Variants in MSANTD3 observed in about 807,000 individuals in gnomAD.
MSANTD3 encodes the protein Myb/SANT DNA binding domain containing 3.
Under a neutral mutation model 27.7 loss-of-function variants are expected in MSANTD3, and 11 were observed. That is an observed-to-expected ratio of 0.40 (90% CI 0.25 to 0.66). The LOEUF is 0.66. Ranked by LOEUF, MSANTD3 falls within the 30% of genes least tolerant of loss-of-function variation. The pLI, the probability that MSANTD3 is intolerant of heterozygous loss-of-function variation, is 0.41. For synonymous variants in MSANTD3, 131 were observed against 127.2 expected, an observed-to-expected ratio of 1.03 and a Z score of -0.20; for missense variants, 250 against 336.5, an observed-to-expected ratio of 0.74 and a Z score of 2.01.
intron 2 of MSANTD3, among the ~76,000 whole-genome samples, chr9:100,447,891 G>T (rs1836792880): frequency 6.6e-6 from 1 of 152,146 alleles, no homozygotes; most frequent in Non-Finnish European, 1.5e-5. Context: ...ATGAAAGTGA[G>T]CCTTTAGAAA....
intron 1 of MSANTD3, among the ~76,000 whole-genome samples, chr9:100,434,428 G>A (rs1362639269): frequency 6.6e-6 from 1 of 152,160 alleles, no homozygotes; most frequent in Non-Finnish European, 1.5e-5. Flanking sequence ...TACTTGGGAA[G>A]CTGAAGCAGG....
intron 1 of MSANTD3, among the ~76,000 whole-genome samples, chr9:100,427,969 T>C (rs1013330605): frequency 6.6e-6 from 1 of 152,152 alleles, no homozygotes; most frequent in African/African-American, 2.4e-5. Context: ...GTATAATATC[T>C]ACCCTCAGGT....
Position 100,451,166 on chromosome 9 carries a change from G to A in MSANTD3, c.*200G>A. On this transcript the variant is annotated 3_prime_UTR_variant, in exon 3 of 3. Coordinates refer to ENST00000395067, the MANE Select transcript of MSANTD3 (RefSeq NM_080655.3). ...GGCAAAGAAGCTGTTATAGTCTTCTGAAAATTATCACTATGAGTGCTATAA... is the reference window on the plus strand; with the variant it reads ...GGCAAAGAAGCTGTTATAGTCTTCTAAAAATTATCACTATGAGTGCTATAA... 1.9e-6 allele frequency: 1 copy of A among 513,988 alleles called. No individual in the cohort carries two copies. The highest frequency in any genetic ancestry group is 3.4e-6 in the Non-Finnish European group (1 of 297,622). The allele number at this position is 513,988 out of a possible 1,614,324, so 31.8% of individuals were successfully genotyped here. A position where few individuals can be genotyped will look rare whatever the true frequency, so the allele number is the denominator to read the frequency against.
chr9:100,442,302 C>A lies in MSANTD3; in HGVS notation c.364C>A (p.Leu122Met). 2 of 1,614,076 alleles carry A rather than the reference C, an allele frequency of 1.2e-6. No homozygotes were observed. The highest frequency in any genetic ancestry group is 3.3e-4 in the Middle Eastern group (2 of 6,062). Residue 122 changes from leucine to methionine, a missense_variant, in exon 2 of 3, where the codon CTG becomes ATG. Physicochemically the swap from Leu to Met is conservative, Grantham distance 15. This residue lies in a region of MSANTD3 where 235 missense variants were observed against 299.3 expected (regional missense o/e 0.79). Transcript: ENST00000395067. Reference protein sequence around the residue: ...ASMLPEQLYFLQSPPEEEPEY... With the variant: ...ASMLPEQLYFMQSPPEEEPEY... Reference sequence around the variant, plus strand: ...CATGCTGCCGGAGCAGCTCTACTTCCTGCAGAGCCCCCCGGAGGAGGAGCC... The same window carrying A: ...CATGCTGCCGGAGCAGCTCTACTTCATGCAGAGCCCCCCGGAGGAGGAGCC...
At chr9:100,442,418 T>A (rs1836650153) in intron 2 of MSANTD3, 62 bp downstream of exon 2, 3 of 1,520,284 alleles carry the variant, frequency 2.0e-6, no homozygotes, top group Non-Finnish European at 2.6e-6. Flanking sequence ...ATTTTAATTT[T>A]AAAACCCTCC....
In MSANTD3 at chr9:100,442,343, C is replaced by A. The variant is rs375245391; in HGVS notation, c.405C>A (p.Asp135Glu). The change falls in exon 2 of 3, where the codon GAC (aspartate) becomes GAA (glutamate). Residue 135 changes from aspartate to glutamate, a missense_variant. Around this residue, in one of 3 missense-constraint regions of MSANTD3, gnomAD observed 235 missense variants for 299.3 expected, o/e 0.79. Transcript: ENST00000395067. The part of the protein sequence containing the change: ...PPEEEPEYHP[D>E]ASAQESFAVS... ...AGGAGGAGCCCGAATACCACCCCGA[C>A]GCCTCAGCCCAAGGTATCCGTTCCT... 16 of 1,611,384 alleles carry A rather than the reference C, an allele frequency of 9.9e-6. No homozygotes were observed. The South Asian group carries it at 1.5e-4, about 15-fold the overall frequency.
intron 1 of MSANTD3, among the ~76,000 whole-genome samples, chr9:100,440,423 G>A (rs1836584483): frequency 6.6e-6 from 1 of 152,038 alleles, no homozygotes; most frequent in African/African-American, 2.4e-5. Flanking sequence ...AGTCTCTTAA[G>A]TGCCTAGGCC....
chr9:100,433,287 C>T (rs542433380), intron 1 of MSANTD3, among the ~76,000 whole-genome samples: 1 of 152,206 alleles, frequency 6.6e-6, no homozygotes, highest in South Asian at 2.1e-4. Flanking sequence ...TTTTCTTTTT[C>T]TAAAGCTCCA....
rs540515895 is a variant in MSANTD3, at chr9:100,429,869, A to G, written c.-34+2476A>G. Among the ~76,000 whole-genome samples the G allele has an allele frequency of 5.3e-5, 8 of 151,872 alleles. No individual in the cohort carries two copies. The East Asian group carries it at 9.7e-4, about 18-fold the overall frequency. On this transcript the variant is annotated intron_variant, in intron 1 of 2. Transcript: ENST00000395067. ...AGGCACCTACCACCACGCCCAGCTA[A>G]TTTTTGTAGTTTTAGTAGAGGTGGG...
At chr9:100,448,830 C>T (rs753913462) in intron 2 of MSANTD3, 16 of 985,062 alleles carry the variant, frequency 1.6e-5, no homozygotes, top group African/African-American at 1.7e-5. Flanking sequence ...TGGATGGCAC[C>T]GAAGTACTTT....
intron 1 of MSANTD3, among the ~76,000 whole-genome samples, chr9:100,439,252 GAT>G (rs1289255178): frequency 6.6e-6 from 1 of 152,178 alleles, no homozygotes; most frequent in Non-Finnish European, 1.5e-5. Flanking sequence ...CAGTCAAACA[GAT>G]TTCAGCCATT....
chr9:100,442,538 G>C (rs1836653660), intron 2 of MSANTD3, among the ~76,000 whole-genome samples, 182 bp downstream of exon 2: 1 of 152,154 alleles, frequency 6.6e-6, no homozygotes, highest in Admixed American at 6.5e-5. Context: ...TGGGCGTGGT[G>C]GCTCGTGCCT....
intron 1 of MSANTD3, among the ~76,000 whole-genome samples, chr9:100,431,706 T>C (rs1008403652): frequency 6.6e-6 from 1 of 152,182 alleles, no homozygotes; most frequent in African/African-American, 2.4e-5. Flanking sequence ...CACCGTCAGA[T>C]AGGGAGAGCC....
At chr9:100,437,221 G>A (rs902942974) in intron 1 of MSANTD3, among the ~76,000 whole-genome samples, 1 of 152,138 alleles carries the variant, frequency 6.6e-6, no homozygotes, top group African/African-American at 2.4e-5. Context: ...AGGAGGTGAT[G>A]GAGGGAGGGA....
At position 100,451,043 on chromosome 9, in the gene MSANTD3, C is replaced by G. The variant is rs768890456; in HGVS notation, c.*77C>G. ...GGAACATGGACTTGGCGGTCAGTAA[C>G]CTGTAACAGAGCTACAACTAGGAAA... On this transcript the variant is annotated 3_prime_UTR_variant, in exon 3 of 3. Coordinates refer to ENST00000395067, the MANE Select transcript of MSANTD3 (RefSeq NM_080655.3). 7.1e-7 allele frequency: 1 copy of G among 1,413,224 alleles called. No homozygotes were observed. Among genetic ancestry groups the G allele is most frequent in the Non-Finnish European group, 9.6e-7 (1 of 1,045,392 alleles). 87.5% of individuals were successfully genotyped at this position (1,413,224 alleles called of 1,614,324 possible).
At chr9:100,427,426 CGGGCGG>C (rs559519841) in intron 1 of MSANTD3, 33 bp downstream of exon 1, 5 of 148,424 alleles carry the variant, frequency 3.4e-5, no homozygotes, top group Admixed American at 3.3e-4. Flanking sequence ...GGGCCGCAGC[CGGGCGG>C]GGGCGGGGGT....
At position 100,444,443 on chromosome 9, in the gene MSANTD3, G is replaced by A. The variant is rs375333993; in HGVS notation, c.418+2087G>A. ...CCCACAGCTAATTAATGGTGTCCTT[G>A]TTTTGGAGATGTTTATAGCTTTAGC... On this transcript the variant is annotated intron_variant, in intron 2 of 2. Coordinates refer to ENST00000395067, the MANE Select transcript of MSANTD3 (RefSeq NM_080655.3). 7.9e-5 allele frequency: 12 copies of A among 152,394 alleles called. No individual in the cohort carries two copies. The East Asian group carries it at 1.9e-3, about 25-fold the overall frequency. The allele number at this position is 152,394 out of a possible 1,614,324, so 9.4% of individuals were successfully genotyped here.
chr9:100,437,737 G>A (rs1299966922), intron 1 of MSANTD3, among the ~76,000 whole-genome samples: 2 of 152,202 alleles, frequency 1.3e-5, no homozygotes, highest in East Asian at 3.9e-4. Flanking sequence ...TGGTAATTCT[G>A]AGCATTTGCT....
At position 100,450,600 on chromosome 9, in the gene MSANTD3, A is replaced by G. The variant is rs374202093; in HGVS notation, c.462A>G (p.Lys154=). The part of the protein sequence containing the change: ...VSNRELCDDE[K]EFIHFPVCEG... ...ATAGAGAACTGTGCGATGATGAGAA[A>G]GAGTTCATACATTTTCCAGTATGTG... The change falls in exon 3 of 3, where the codon AAA becomes AAG. Residue 154 remains lysine (K), a synonymous_variant. Coordinates refer to ENST00000395067, the MANE Select transcript of MSANTD3 (RefSeq NM_080655.3). 6 of 1,597,040 alleles carry G rather than the reference A, an allele frequency of 3.8e-6. No homozygotes were observed. Among genetic ancestry groups the G allele is most frequent in the Non-Finnish European group, 5.1e-6 (6 of 1,174,992 alleles).
Sources: gnomAD v4.1 joint callset for allele counts (sites outside exome capture counted in the v4.1 genomes callset) on GRCh38, gnomAD v4.1.1 for gene constraint, gnomAD v4.1.1 regional missense constraint, MANE v1.5 for transcripts, NCBI Gene and HGNC (gene_info 2026-07-23, HGNC 2026-07-21) for gene names.